The following CKAP5 variants were observed in gnomAD, a reference collection of about 807,000 sequenced individuals.
CKAP5 encodes cytoskeleton associated protein 5.
Under a neutral mutation model 232.8 loss-of-function variants are expected in CKAP5, and 27 were observed. The ratio of observed to expected loss-of-function variants is 0.12; its 90% confidence interval spans 0.09 to 0.16. The LOEUF (loss-of-function observed/expected upper bound fraction) is 0.16, where lower values mean the gene tolerates loss of function less well. Ranked by LOEUF, CKAP5 falls within the 10% of genes least tolerant of loss-of-function variation. The pLI is 1.00. For synonymous variants in CKAP5, 785 were observed against 841.1 expected, an observed-to-expected ratio of 0.93 and a Z score of 1.16; for missense variants, 1,838 against 2,424.7, an observed-to-expected ratio of 0.76 and a Z score of 5.08.
At chr11:46,810,271 CTCTAATTTCTTATTTA>C (rs1939245621) in intron 5 of CKAP5, among the ~76,000 whole-genome samples, 1 of 152,088 alleles carries the variant, frequency 6.6e-6, no homozygotes, top group Admixed American at 6.6e-5. Context: ...CGTGCCTGGC[CTCTAATTTCTTATTTA>C]TGTGGCTCTA....
chr11:46,839,579 T>C (rs777224048), intron 1 of CKAP5, among the ~76,000 whole-genome samples: 1 of 152,218 alleles, frequency 6.6e-6, no homozygotes, highest in Non-Finnish European at 1.5e-5. Context: ...AAAACTATCA[T>C]GCCTGTCATT....
At chr11:46,844,301 C>T (rs1940127232) in intron 1 of CKAP5, among the ~76,000 whole-genome samples, 1 of 151,700 alleles carries the variant, frequency 6.6e-6, no homozygotes, top group Non-Finnish European at 1.5e-5. Context: ...TATATTCAAA[C>T]ACACTTCATA....
chr11:46,759,527 T>G (rs1414195992), intron 33 of CKAP5, 85 bp from the exon 34 acceptor site: 1 of 1,352,486 alleles, frequency 7.4e-7, no homozygotes, highest in African/African-American at 1.5e-5. Flanking sequence ...GCCCCAAAGC[T>G]TCAGGACAGA....
At chr11:46,762,581 C>T (rs1256231945) in intron 31 of CKAP5, 46 bp downstream of exon 31, 1 of 1,606,560 alleles carries the variant, frequency 6.2e-7, no homozygotes, top group Non-Finnish European at 8.5e-7. Flanking sequence ...CTTCTATAGG[C>T]TACTGCTGCA....
chr11:46,811,385 G>T (rs1441568223), intron 4 of CKAP5, among the ~76,000 whole-genome samples: 2 of 151,764 alleles, frequency 1.3e-5, no homozygotes, highest in Non-Finnish European at 2.9e-5. Context: ...TAATGTGTAG[G>T]GCCCAAAATA....
At chr11:46,799,829 T>C (rs996562845) in intron 9 of CKAP5, among the ~76,000 whole-genome samples, 1 of 152,044 alleles carries the variant, frequency 6.6e-6, no homozygotes, top group Admixed American at 6.6e-5. Context: ...CAAAACCCCA[T>C]CTCTACCAAA....
In CKAP5 at chr11:46,769,971, G is replaced by C. The variant is rs747722017; in HGVS notation, c.3314C>G (p.Pro1105Arg). The change falls in exon 26 of 44, where the codon CCT (proline) becomes CGT (arginine). Residue 1105 changes from proline (P) to arginine (R), a missense_variant. Pro to Arg is a moderately radical substitution (Grantham distance 103, BLOSUM62 -2). This residue lies in a region of CKAP5 where 767 missense variants were observed against 954.6 expected (regional missense o/e 0.80). Coordinates refer to ENST00000529230, the MANE Select transcript of CKAP5 (RefSeq NM_001008938.4). ...MGGSAPAKFQPASAPAEDCIS... is the reference protein window; with the variant it reads ...MGGSAPAKFQRASAPAEDCIS... ...TCTTAAGATAGAGTTACCTGATGCAGGCTGGAATTTGGCTGGAGCGGACCC... is the reference window on the plus strand; with the variant it reads ...TCTTAAGATAGAGTTACCTGATGCACGCTGGAATTTGGCTGGAGCGGACCC... 1.4e-5 allele frequency: 23 copies of C among 1,614,002 alleles called. No individual in the cohort carries two copies. The highest frequency in any genetic ancestry group is 1.9e-5 in the Non-Finnish European group (22 of 1,180,018).
intron 1 of CKAP5, among the ~76,000 whole-genome samples, chr11:46,831,861 C>CTTTTTTT (rs71042624): frequency 8.4e-6 from 1 of 119,056 alleles, no homozygotes; most frequent in Non-Finnish European, 1.6e-5. Context: ...TAAACTTATC[C>CTTTTTTT]TTTTTTTTTT....
chr11:46,818,134 C>A (rs1939446019), intron 3 of CKAP5, among the ~76,000 whole-genome samples, 176 bp downstream of exon 3: 1 of 152,082 alleles, frequency 6.6e-6, no homozygotes, highest in Non-Finnish European at 1.5e-5. Flanking sequence ...ATCTCATGTG[C>A]CATTTAGATT....
chr11:46,744,624 C>A, intron 42 of CKAP5, 47 bp from the exon 43 acceptor site: 1 of 1,558,010 alleles, frequency 6.4e-7, no homozygotes, highest in South Asian at 1.1e-5. Context: ...CACATATCCC[C>A]CTTCTAAAGT....
intron 25 of CKAP5, chr11:46,770,405 GT>G (rs1295190666): frequency 8.4e-6 from 3 of 356,724 alleles, no homozygotes; most frequent in South Asian, 1.1e-4. Flanking sequence ...AGGTAATATG[GT>G]TTTTTCCTCA....
chr11:46,757,800 C>G (rs1248577953), intron 35 of CKAP5, among the ~76,000 whole-genome samples: 1 of 150,928 alleles, frequency 6.6e-6, no homozygotes. Flanking sequence ...ATTGGCCAGG[C>G]TGGTCTCGAA....
chr11:46,809,606 C>A, intron 6 of CKAP5, 106 bp from the exon 7 acceptor site: 1 of 1,320,994 alleles, frequency 7.6e-7, no homozygotes, highest in Admixed American at 1.9e-5. Flanking sequence ...GAGAAGGGAC[C>A]AGAGTTATTA....
intron 9 of CKAP5, 45 bp from the exon 10 acceptor site, chr11:46,798,217 A>G (rs1384952521): frequency 7.7e-7 from 1 of 1,295,578 alleles, no homozygotes; most frequent in South Asian, 1.2e-5. Flanking sequence ...ACAAAGAGGA[A>G]TGATATATTG....
intron 16 of CKAP5, among the ~76,000 whole-genome samples, chr11:46,785,030 C>T (rs1269759413): frequency 6.6e-6 from 1 of 152,168 alleles, no homozygotes; most frequent in East Asian, 1.9e-4. Context: ...AATTACTATA[C>T]TGACTGCATA....
At chr11:46,826,746 G>C (rs1415941840) in intron 1 of CKAP5, 1 of 152,960 alleles carries the variant, frequency 6.5e-6, no homozygotes, top group Non-Finnish European at 1.5e-5. Context: ...CCCTTTGCCC[G>C]TGGTTTGACA....
chr11:46,781,425 C>T (rs201966587), intron 18 of CKAP5, among the ~76,000 whole-genome samples: 4 of 446 alleles, frequency 9.0e-3, no homozygotes, highest in Non-Finnish European at 0.029. Flanking sequence ...GAACCTGTTA[C>T]TCTTCTCAAA....
At chr11:46,748,995 C>T (rs1362772570) in intron 42 of CKAP5, among the ~76,000 whole-genome samples, 1 of 151,300 alleles carries the variant, frequency 6.6e-6, no homozygotes, top group African/African-American at 2.4e-5. Context: ...CCACACCCAA[C>T]TAATTTTTGT....
In CKAP5 at chr11:46,795,814, A is replaced by G. The variant is rs768798183; in HGVS notation, c.1468-38T>C. The G allele has an allele frequency of 2.6e-6, 4 of 1,517,368 alleles. No homozygotes were observed. The South Asian group carries it at 4.5e-5, about 17-fold the overall frequency. 94.0% of individuals were successfully genotyped at this position (1,517,368 alleles called of 1,614,324 possible). ...AGTGAGATGAACATCATTAAGCCCAACTTTGAAACACAACCACTACGTTAT... is the reference window on the plus strand; with the variant it reads ...AGTGAGATGAACATCATTAAGCCCAGCTTTGAAACACAACCACTACGTTAT... On this transcript the variant is annotated intron_variant, in intron 12 of 43. Transcript: ENST00000529230.
Sources: allele counts gnomAD v4.1 joint callset (sites outside exome capture counted in the v4.1 genomes callset), GRCh38; gene constraint gnomAD v4.1.1; regional missense constraint gnomAD v4.1.1; transcripts MANE v1.5; gene names NCBI Gene and HGNC (gene_info 2026-07-23, HGNC 2026-07-21).